The following GALNT14 variants were observed in gnomAD, a reference collection of about 807,000 sequenced individuals.
The protein encoded by GALNT14 is polypeptide N-acetylgalactosaminyltransferase 14.
A neutral mutation model predicts 77.5 loss-of-function variants in GALNT14; 60 were observed. The observed-to-expected ratio is 0.77, with a 90% CI of 0.63 to 0.96. The LOEUF is 0.96. Ranked by LOEUF, GALNT14 falls within the 40% of genes least tolerant of loss-of-function variation. GALNT14 has a pLI of 0.00. For synonymous variants in GALNT14, 280 were observed against 281.7 expected, an observed-to-expected ratio of 0.99 and a Z score of 0.06; for missense variants, 710 against 731.0, an observed-to-expected ratio of 0.97 and a Z score of 0.33.
At chr2:31,120,354 TG>T (rs1678344729) in intron 1 of GALNT14, among the ~76,000 whole-genome samples, 1 of 152,196 alleles carries the variant, frequency 6.6e-6, no homozygotes, top group Non-Finnish European at 1.5e-5. Context: ...AGAAAGCTAT[TG>T]AAGTTCACAT....
intron 2 of GALNT14, among the ~76,000 whole-genome samples, chr2:30,984,533 GC>G (rs1669179951): frequency 6.6e-6 from 1 of 152,128 alleles, no homozygotes; most frequent in Admixed American, 6.6e-5. Context: ...TCAAGACTTT[GC>G]CACAACATGT....
At chr2:30,948,894 C>T (rs1237664779) in intron 6 of GALNT14, among the ~76,000 whole-genome samples, 1 of 152,154 alleles carries the variant, frequency 6.6e-6, no homozygotes, top group Non-Finnish European at 1.5e-5. Flanking sequence ...ATGCTGGTTG[C>T]TTACTTTGGT....
chr2:31,112,525 T>G (rs1677893815), intron 1 of GALNT14, among the ~76,000 whole-genome samples: 1 of 152,240 alleles, frequency 6.6e-6, no homozygotes, highest in South Asian at 2.1e-4. Context: ...AAATCCCTCC[T>G]CATGACCCAA....
At chr2:30,999,621 C>G (rs561263175) in intron 1 of GALNT14, among the ~76,000 whole-genome samples, 10 of 152,244 alleles carry the variant, frequency 6.6e-5, no homozygotes, top group African/African-American at 2.4e-4. Flanking sequence ...GAGATATCAC[C>G]CAGCATAGAG....
At chr2:31,010,786 T>G (rs1004366434) in intron 1 of GALNT14, among the ~76,000 whole-genome samples, 1 of 152,214 alleles carries the variant, frequency 6.6e-6, no homozygotes, top group Non-Finnish European at 1.5e-5. Context: ...CTCATTATGT[T>G]CCAGCCACAC....
intron 1 of GALNT14, among the ~76,000 whole-genome samples, chr2:31,136,991 T>C (rs1266472599): frequency 1.3e-5 from 2 of 152,110 alleles, no homozygotes; most frequent in Non-Finnish European, 2.9e-5. Flanking sequence ...CCCAGACCCC[T>C]AGACGACTGT....
At chr2:30,990,410 A>C (rs941142151) in intron 2 of GALNT14, among the ~76,000 whole-genome samples, 1 of 152,250 alleles carries the variant, frequency 6.6e-6, no homozygotes, top group Non-Finnish European at 1.5e-5. Context: ...GAATCACAGA[A>C]GGATTAAGAG....
intron 1 of GALNT14, among the ~76,000 whole-genome samples, chr2:31,037,649 GT>G (rs1672823965): frequency 6.6e-6 from 1 of 152,058 alleles, no homozygotes. Context: ...CCCAGGGTGT[GT>G]TTTTGCTAAT....
chr2:30,950,457 C>G (rs983470297), intron 6 of GALNT14, among the ~76,000 whole-genome samples: 1 of 152,164 alleles, frequency 6.6e-6, no homozygotes, highest in Non-Finnish European at 1.5e-5. Flanking sequence ...ACTCCAATTA[C>G]AGCTTAAAAT....
At chr2:30,952,233 G>C (rs982915917) in intron 6 of GALNT14, among the ~76,000 whole-genome samples, 2 of 152,134 alleles carry the variant, frequency 1.3e-5, no homozygotes, top group Admixed American at 6.5e-5. Context: ...TGGAAAGAAA[G>C]GTTAACAGTG....
At chr2:30,985,069 G>A (rs1669212733) in intron 2 of GALNT14, among the ~76,000 whole-genome samples, 1 of 151,378 alleles carries the variant, frequency 6.6e-6, no homozygotes, top group Admixed American at 6.6e-5. Flanking sequence ...GCCATGAGTG[G>A]AGACTAGTTC....
At chr2:30,895,652 C>T in the GALNT14 span, among the ~76,000 whole-genome samples, 1 of 151,992 alleles carries the variant, frequency 6.6e-6, no homozygotes, top group Non-Finnish European at 1.5e-5. Flanking sequence ...TCCCCTTGTC[C>T]TGGCAGCCTC....
chr2:30,944,422 A>G (rs1423413579), intron 8 of GALNT14, among the ~76,000 whole-genome samples: 1 of 152,180 alleles, frequency 6.6e-6, no homozygotes, highest in Non-Finnish European at 1.5e-5. Context: ...GCTTATGAAT[A>G]TGTCACAGTG....
At position 30,942,185 on chromosome 2, in the gene GALNT14, A is replaced by T. The variant is rs1490714363; in HGVS notation, c.931+16T>A. ...TATAGAACAGCATAGGTCAGGATGC[A>T]GAGGCAGGGACTCACCAAAGTTCTC... is the stretch of plus-strand genomic sequence containing the variant. On this transcript the variant is annotated intron_variant, in intron 9 of 14. Coordinates refer to ENST00000349752, the MANE Select transcript of GALNT14 (RefSeq NM_024572.4). 10 of 1,576,780 alleles carry T rather than the reference A, an allele frequency of 6.3e-6. 1 individual carries two copies. Among genetic ancestry groups the T allele is most frequent in the Non-Finnish European group, 8.7e-7 (1 of 1,146,136 alleles).
intron 1 of GALNT14, among the ~76,000 whole-genome samples, chr2:31,063,032 T>C (rs570909248): frequency 5.3e-5 from 8 of 152,240 alleles, no homozygotes; most frequent in South Asian, 2.1e-4. Flanking sequence ...ACTCTGATGA[T>C]AGTTTCTTTT....
At chr2:31,011,674 C>T (rs1327074589) in intron 1 of GALNT14, among the ~76,000 whole-genome samples, 2 of 152,128 alleles carry the variant, frequency 1.3e-5, no homozygotes, top group Admixed American at 6.5e-5. Flanking sequence ...ACCTGTCTGG[C>T]AGCAAATAAA....
intron 1 of GALNT14, among the ~76,000 whole-genome samples, chr2:31,009,716 G>A (rs902621041): frequency 3.3e-5 from 5 of 152,110 alleles, no homozygotes; most frequent in African/African-American, 1.2e-4. Context: ...CACAAGTAAA[G>A]AAATGGCACC....
chr2:31,020,464 C>T (rs1261439082), intron 1 of GALNT14, among the ~76,000 whole-genome samples: 1 of 152,198 alleles, frequency 6.6e-6, no homozygotes, highest in African/African-American at 2.4e-5. Flanking sequence ...CTCTGGGTAG[C>T]ACAAAGTTGG....
chr2:31,106,187 C>A (rs189963216), intron 1 of GALNT14, among the ~76,000 whole-genome samples: 1 of 152,290 alleles, frequency 6.6e-6, no homozygotes, highest in East Asian at 1.9e-4. Flanking sequence ...GCCCAACACC[C>A]AAATTCGTGC....
Sources: allele counts gnomAD v4.1 joint callset (sites outside exome capture counted in the v4.1 genomes callset), GRCh38; gene constraint gnomAD v4.1.1; transcripts MANE v1.5; gene names NCBI Gene and HGNC (gene_info 2026-07-23, HGNC 2026-07-21).